Variants in VAC14 observed in about 807,000 individuals in gnomAD.
VAC14 encodes the protein protein VAC14 homolog.
VAC14 carries 47 observed loss-of-function variants against 85.3 expected under a neutral mutation model. The observed-to-expected ratio is 0.55, with a 90% CI of 0.44 to 0.70. The LOEUF is 0.70. Among genes scored for constraint, VAC14 ranks in the 30% least tolerant of loss-of-function variants. The pLI, the probability that VAC14 is intolerant of heterozygous loss-of-function variation, is 0.00. For synonymous variants in VAC14, 447 were observed against 430.5 expected (o/e 1.04, Z -0.47); for missense variants, 861 against 1,004.3 (o/e 0.86, Z 1.93).
At position 70,759,629 on chromosome 16, in the gene VAC14, AAAAC is replaced by A. The variant is rs556397119; in HGVS notation, c.1371+2907_1371+2910del. Reference sequence around the variant, plus strand: ...GGCGAGAGTGAGATTCCATGTCAAAAAAACAAACAAACAAAAACAAAAAACCCAC... The same window carrying A: ...GGCGAGAGTGAGATTCCATGTCAAAAAAACAAACAAAAACAAAAAACCCAC... On this transcript the variant is annotated intron_variant, in intron 12 of 18. Coordinates refer to ENST00000261776, the MANE Select transcript of VAC14 (RefSeq NM_018052.5). Among the ~76,000 whole-genome samples, 790 of 152,286 alleles carry A rather than the reference AAAAC, an allele frequency of 5.2e-3. 3 individuals are homozygous for A. Among genetic ancestry groups the A allele is most frequent in the Non-Finnish European group, 6.4e-3 (435 of 68,030 alleles).
At chr16:70,721,228 A>C (rs1271418168) in intron 14 of VAC14, among the ~76,000 whole-genome samples, 1 of 152,184 alleles carries the variant, frequency 6.6e-6, no homozygotes, top group East Asian at 1.9e-4. Context: ...CCTAGAAGGA[A>C]GCCAGAAAGG....
intron 1 of VAC14, among the ~76,000 whole-genome samples, chr16:70,798,642 C>T (rs55925555): frequency 0.036 from 5,407 of 152,258 alleles, 306 homozygotes; most frequent in African/African-American, 0.12. Flanking sequence ...GTCTTTGAGG[C>T]CAGTGCTTCT....
intron 18 of VAC14, among the ~76,000 whole-genome samples, chr16:70,692,549 C>T (rs993702455): frequency 3.9e-5 from 6 of 152,196 alleles, no homozygotes; most frequent in Non-Finnish European, 5.9e-5. Context: ...TTTGCATAGC[C>T]TCACTGAGCT....
chr16:70,780,730 T>G, intron 9 of VAC14, 60 bp downstream of exon 9: 1 of 1,519,272 alleles, frequency 6.6e-7, no homozygotes, highest in Non-Finnish European at 8.8e-7. Flanking sequence ...GCAACTCCTA[T>G]GACATCTGGC....
At chr16:70,792,892 A>G (rs796167476) in intron 1 of VAC14, among the ~76,000 whole-genome samples, 6 of 152,146 alleles carry the variant, frequency 3.9e-5, no homozygotes, top group African/African-American at 1.4e-4. Flanking sequence ...TCCCGACGAT[A>G]CCTCCTGCTG....
intron 12 of VAC14, among the ~76,000 whole-genome samples, chr16:70,761,761 A>T (rs1210464864): frequency 2.0e-5 from 3 of 152,304 alleles, no homozygotes; most frequent in Admixed American, 2.0e-4. Flanking sequence ...GGTGGCCCCA[A>T]AAAGGCAAAG....
intron 18 of VAC14, 111 bp from the exon 19 acceptor site, chr16:70,688,201 T>C (rs902648480): frequency 5.9e-6 from 8 of 1,346,558 alleles, no homozygotes; most frequent in Middle Eastern, 2.3e-4. Flanking sequence ...GCTCGGCCTG[T>C]GGGCGTCTGT....
chr16:70,735,948 G>A (rs1267223158), intron 13 of VAC14, among the ~76,000 whole-genome samples: 2 of 152,232 alleles, frequency 1.3e-5, no homozygotes, highest in Non-Finnish European at 2.9e-5. Context: ...TCTCTAAAGA[G>A]GTGGCTGCAG....
intron 12 of VAC14, among the ~76,000 whole-genome samples, chr16:70,751,049 A>G (rs1190649625): frequency 6.6e-6 from 1 of 152,124 alleles, no homozygotes; most frequent in Non-Finnish European, 1.5e-5. Flanking sequence ...TGGACAGGAA[A>G]TGGAAGATGG....
At position 70,687,915 on chromosome 16, in the gene VAC14, C is replaced by T. The variant is rs1039112683; in HGVS notation, c.*13G>A. Reference sequence around the variant, plus strand: ...TGGGACCACTCGGTGGGCCCTCCTCCGTGCCAGGCCTGTCAGAGGACAACC... The same window carrying T: ...TGGGACCACTCGGTGGGCCCTCCTCTGTGCCAGGCCTGTCAGAGGACAACC... On this transcript the variant is annotated 3_prime_UTR_variant, in exon 19 of 19. Coordinates refer to ENST00000261776, the MANE Select transcript of VAC14 (RefSeq NM_018052.5). 9.3e-6 allele frequency: 14 copies of T among 1,510,744 alleles called. No homozygotes were observed. The Middle Eastern group carries it at 7.3e-4, about 79-fold the overall frequency. The allele number at this position is 1,510,744 out of a possible 1,614,324, so 93.6% of individuals were successfully genotyped here. A position where few individuals can be genotyped will look rare whatever the true frequency, so the allele number is the denominator to read the frequency against.
chr16:70,781,201 C>T (rs2033795027), intron 8 of VAC14, among the ~76,000 whole-genome samples: 1 of 152,042 alleles, frequency 6.6e-6, no homozygotes. Flanking sequence ...TGCCATGTGA[C>T]CTGCTGGCTT....
intron 14 of VAC14, among the ~76,000 whole-genome samples, chr16:70,701,052 GCTGA>G (rs1350875196): frequency 6.6e-6 from 1 of 152,202 alleles, no homozygotes; most frequent in Non-Finnish European, 1.5e-5. Context: ...GCTGGGGAAT[GCTGA>G]CTGTGTTACA....
intron 3 of VAC14, among the ~76,000 whole-genome samples, chr16:70,785,372 A>T (rs148760883): frequency 1.3e-5 from 2 of 152,370 alleles, no homozygotes; most frequent in African/African-American, 4.8e-5. Context: ...CCCTCCCTAA[A>T]GGGAAAGTAC....
At chr16:70,784,323 C>A in intron 4 of VAC14, 103 bp from the exon 5 acceptor site, 1 of 882,428 alleles carries the variant, frequency 1.1e-6, no homozygotes, top group Non-Finnish European at 1.8e-6. Context: ...AGGCGGCCAC[C>A]AAGGAAAATG....
chr16:70,726,241 G>T (rs925306588), intron 14 of VAC14, among the ~76,000 whole-genome samples: 4 of 152,270 alleles, frequency 2.6e-5, no homozygotes, highest in Non-Finnish European at 5.9e-5. Context: ...GAAGAGGCCG[G>T]GGGAAGGCAA....
chr16:70,747,294 G>GGGCGTGGGGAGGGA (rs1228069906), intron 12 of VAC14: 1 of 152,094 alleles, frequency 6.6e-6, no homozygotes, highest in Non-Finnish European at 1.5e-5. Context: ...TGGTCGCCAG[G>GGGCGTGGGGAGGGA]GGCGTGGGGA....
intron 12 of VAC14, among the ~76,000 whole-genome samples, chr16:70,749,922 C>T (rs573103425): frequency 4.0e-4 from 61 of 152,354 alleles, no homozygotes; most frequent in Non-Finnish European, 7.5e-4. Context: ...GGGAGGCAAC[C>T]TCAACAGGGG....
intron 14 of VAC14, among the ~76,000 whole-genome samples, chr16:70,713,297 C>A (rs747363482): frequency 6.6e-6 from 1 of 152,230 alleles, no homozygotes; most frequent in Admixed American, 6.5e-5. Flanking sequence ...AGCTACCGTG[C>A]GCGAACAGCC....
At position 70,783,374 on chromosome 16, in the gene VAC14, T is replaced by C. The variant is rs964580470; in HGVS notation, c.704+71A>G. 7 of 1,495,802 alleles carry C rather than the reference T, an allele frequency of 4.7e-6. No individual in the cohort carries two copies. The Admixed American group carries it at 1.2e-4, about 25-fold the overall frequency. 92.7% of individuals were successfully genotyped at this position (1,495,802 alleles called of 1,614,324 possible). A position where few individuals can be genotyped will look rare whatever the true frequency, so the allele number is the denominator to read the frequency against. On this transcript the variant is annotated intron_variant, in intron 6 of 18. Transcript: ENST00000261776. Reference sequence around the variant, plus strand: ...CTGCCCTCCTGCCGCGGCCTCTCTGTGGGCATGAAGCACATGGGCACAGCT... The same window carrying C: ...CTGCCCTCCTGCCGCGGCCTCTCTGCGGGCATGAAGCACATGGGCACAGCT...
Sources: gnomAD v4.1 joint callset for allele counts (sites outside exome capture counted in the v4.1 genomes callset) on GRCh38, gnomAD v4.1.1 for gene constraint, MANE v1.5 for transcripts, NCBI Gene and HGNC (gene_info 2026-07-23, HGNC 2026-07-21) for gene names.